Variants in DOK5 observed in about 807,000 individuals in gnomAD.
The protein encoded by DOK5 is docking protein 5.
DOK5 carries 27 observed loss-of-function variants against 43.3 expected under a neutral mutation model. That is an observed-to-expected ratio of 0.62 (90% CI 0.46 to 0.86). The LOEUF is 0.86. Ranked by LOEUF, DOK5 falls within the 40% of genes least tolerant of loss-of-function variation. DOK5 has a pLI of 0.00. For synonymous variants in DOK5, 146 were observed against 140.1 expected, an observed-to-expected ratio of 1.04 and a Z score of -0.30; for missense variants, 373 against 392.9, an observed-to-expected ratio of 0.95 and a Z score of 0.43.
intron 1 of DOK5, among the ~76,000 whole-genome samples, chr20:54,541,298 C>T (rs1233935373): frequency 6.6e-6 from 1 of 152,196 alleles, no homozygotes; most frequent in African/African-American, 2.4e-5. Flanking sequence ...TTGTGACCCC[C>T]TCTAACTGGT....
At chr20:54,644,402 T>C (rs1600764231) in intron 7 of DOK5, among the ~76,000 whole-genome samples, 1 of 151,394 alleles carries the variant, frequency 6.6e-6, no homozygotes, top group East Asian at 1.9e-4. Context: ...TGAAACCCTG[T>C]CTTTACTAAA....
chr20:54,647,520 AAAAC>A (rs1265398776), intron 7 of DOK5, among the ~76,000 whole-genome samples: 319 of 151,862 alleles, frequency 2.1e-3, no homozygotes, highest in African/African-American at 7.4e-3. Context: ...AAAAAAAAAA[AAAAC>A]AAAAAAACTA....
chr20:54,476,711 C>A (rs1981442714), intron 1 of DOK5, among the ~76,000 whole-genome samples: 1 of 152,160 alleles, frequency 6.6e-6, no homozygotes, highest in Non-Finnish European at 1.5e-5. Context: ...GTGCTCCCTA[C>A]ATATGTCCTG....
At chr20:54,490,792 G>C (rs770620921) in intron 1 of DOK5, among the ~76,000 whole-genome samples, 34 of 152,226 alleles carry the variant, frequency 2.2e-4, no homozygotes, top group Non-Finnish European at 4.1e-4. Context: ...GTTTCACCAT[G>C]TTGGCCAAGA....
intron 2 of DOK5, among the ~76,000 whole-genome samples, chr20:54,570,496 A>C (rs1985249787): frequency 6.6e-6 from 1 of 152,224 alleles, no homozygotes; most frequent in Admixed American, 6.5e-5. Flanking sequence ...CAGTCCCACA[A>C]GGGAAAAAAT....
intron 2 of DOK5, among the ~76,000 whole-genome samples, chr20:54,567,033 AT>A (rs1354228780): frequency 1.3e-5 from 2 of 150,518 alleles, no homozygotes; most frequent in African/African-American, 4.9e-5. Flanking sequence ...TTTTTTTACT[AT>A]TGAGTATTGG....
chr20:54,590,525 A>C (rs1218225903), intron 4 of DOK5, among the ~76,000 whole-genome samples: 1 of 152,116 alleles, frequency 6.6e-6, no homozygotes, highest in Non-Finnish European at 1.5e-5. Flanking sequence ...AGGGGGGGGA[A>C]TATGCTCAAT....
At chr20:54,649,598 A>G (rs564846040) in intron 7 of DOK5, among the ~76,000 whole-genome samples, 1 of 152,242 alleles carries the variant, frequency 6.6e-6, no homozygotes, top group African/African-American at 2.4e-5. Flanking sequence ...CTAGCCGTGT[A>G]CATTTCTTTG....
intron 1 of DOK5, among the ~76,000 whole-genome samples, chr20:54,482,965 A>G (rs1981781638): frequency 6.6e-6 from 1 of 152,196 alleles, no homozygotes; most frequent in Admixed American, 6.5e-5. Flanking sequence ...TAGACTGCAT[A>G]TATATACATG....
chr20:54,593,739 T>C (rs1177353789), intron 5 of DOK5, among the ~76,000 whole-genome samples: 4 of 152,178 alleles, frequency 2.6e-5, no homozygotes, highest in African/African-American at 9.7e-5. Context: ...AGACATGGAA[T>C]CAACCCAAAT....
chr20:54,552,155 A>G (rs1984551150), intron 1 of DOK5, among the ~76,000 whole-genome samples: 2 of 152,184 alleles, frequency 1.3e-5, no homozygotes, highest in Admixed American at 6.5e-5. Flanking sequence ...ATTAAACAAA[A>G]CAAAAACTAA....
At chr20:54,576,022 C>T (rs188192708) in intron 2 of DOK5, among the ~76,000 whole-genome samples, 94 of 151,814 alleles carry the variant, frequency 6.2e-4, no homozygotes, top group African/African-American at 2.2e-3. Context: ...ACACAGAGTT[C>T]CTGGAGAAAC....
chr20:54,612,316 T>C (rs374652242), intron 6 of DOK5, among the ~76,000 whole-genome samples: 4 of 152,282 alleles, frequency 2.6e-5, no homozygotes, highest in African/African-American at 9.6e-5. Flanking sequence ...GCTTGAAGAC[T>C]TGTGTATGAT....
At chr20:54,565,797 C>T (rs13041496) in intron 2 of DOK5, among the ~76,000 whole-genome samples, 3,210 of 152,104 alleles carry the variant, frequency 0.021, 45 homozygotes, top group Non-Finnish European at 0.033. Flanking sequence ...CCGAGGCAGG[C>T]GGATCACGAG....
chr20:54,643,953 T>C (rs1454356812), intron 7 of DOK5, among the ~76,000 whole-genome samples: 1 of 152,182 alleles, frequency 6.6e-6, no homozygotes, highest in Non-Finnish European at 1.5e-5. Context: ...TGTAGTGGAC[T>C]GATGAATCAC....
intron 2 of DOK5, among the ~76,000 whole-genome samples, chr20:54,584,605 G>A (rs1231488366): frequency 6.7e-6 from 1 of 150,372 alleles, no homozygotes; most frequent in African/African-American, 2.4e-5. Context: ...TACATGTAAT[G>A]TAATGTTATA....
At chr20:54,529,141 T>C (rs1983677971) in intron 1 of DOK5, among the ~76,000 whole-genome samples, 1 of 152,204 alleles carries the variant, frequency 6.6e-6, no homozygotes, top group African/African-American at 2.4e-5. Flanking sequence ...TAATGACAAA[T>C]GCTAATTATT....
At position 54,539,800 on chromosome 20, in the gene DOK5, A is replaced by G. The variant is rs562325708; in HGVS notation, c.67-15133A>G. Among the ~76,000 whole-genome samples, 295 of 152,350 alleles carry G rather than the reference A, an allele frequency of 1.9e-3. No homozygotes were observed. In the Middle Eastern group the frequency reaches 0.024, roughly 12 times the overall value. On this transcript the variant is annotated intron_variant, in intron 1 of 7. Transcript: ENST00000262593. ...GCCAAACTGCCCAATCAACAGTTATATTCATGGGAAGCGATAAATTGTTGT... is the reference window on the plus strand; with the variant it reads ...GCCAAACTGCCCAATCAACAGTTATGTTCATGGGAAGCGATAAATTGTTGT...
chr20:54,558,510 C>G (rs1329537542), intron 2 of DOK5, among the ~76,000 whole-genome samples: 1 of 152,090 alleles, frequency 6.6e-6, no homozygotes, highest in Non-Finnish European at 1.5e-5. Context: ...GTATTAATCT[C>G]TCGGGGCACA....
Sources: gnomAD v4.1 joint callset for allele counts (sites outside exome capture counted in the v4.1 genomes callset) on GRCh38, gnomAD v4.1.1 for gene constraint, MANE v1.5 for transcripts, NCBI Gene and HGNC (gene_info 2026-07-23, HGNC 2026-07-21) for gene names.